The following GRID1 variants were observed in gnomAD, a reference collection of about 807,000 sequenced individuals.
GRID1 encodes the protein glutamate receptor ionotropic, delta-1.
A neutral mutation model predicts 98.0 loss-of-function variants in GRID1; 28 were observed. The ratio of observed to expected loss-of-function variants is 0.29; its 90% confidence interval spans 0.21 to 0.39. The LOEUF is 0.39. Among genes scored for constraint, GRID1 ranks in the 10% least tolerant of loss-of-function variants. The pLI, the probability that GRID1 is intolerant of heterozygous loss-of-function variation, is 1.00. For synonymous variants in GRID1, 553 were observed against 538.5 expected (o/e 1.03, Z -0.37); for missense variants, 1,111 against 1,340.5 (o/e 0.83, Z 2.67).
intron 5 of GRID1, among the ~76,000 whole-genome samples, chr10:85,892,343 T>C (rs1841214733): frequency 2.0e-5 from 3 of 151,632 alleles, no homozygotes; most frequent in Non-Finnish European, 4.4e-5. Context: ...AAAAAAGTAC[T>C]TGAGAAAATA....
chr10:86,040,221 G>A (rs904017013), intron 4 of GRID1, among the ~76,000 whole-genome samples: 7 of 152,098 alleles, frequency 4.6e-5, no homozygotes, highest in Non-Finnish European at 8.8e-5. Flanking sequence ...TCTACTGTAT[G>A]ACCCAGCAAT....
intron 2 of GRID1, among the ~76,000 whole-genome samples, chr10:86,243,743 G>A (rs1400541694): frequency 2.6e-5 from 4 of 152,132 alleles, no homozygotes; most frequent in Admixed American, 6.5e-5. Context: ...AAATGCCAGC[G>A]CCACCCATTA....
chr10:85,704,019 G>A (rs566744496), intron 12 of GRID1, among the ~76,000 whole-genome samples: 1 of 152,160 alleles, frequency 6.6e-6, no homozygotes, highest in South Asian at 2.1e-4. Flanking sequence ...GAAATTCTGG[G>A]TTGAAAATTA....
In GRID1 at chr10:85,723,151, G is replaced by A; in HGVS notation, c.1859-10C>T. On this transcript the variant is annotated splice_polypyrimidine_tract_variant and intron_variant, in intron 11 of 15. Transcript: ENST00000327946. ...ACGGAAGATTCGCCACCTGCGGGAG[G>A]CAGACAAAGTGGATTGGCCAGTGGC... 1.2e-6 allele frequency: 2 copies of A among 1,602,138 alleles called. No individual in the cohort carries two copies. Among genetic ancestry groups the A allele is most frequent in the Non-Finnish European group, 1.7e-6 (2 of 1,173,810 alleles).
At chr10:85,708,696 C>T (rs1841550875) in intron 12 of GRID1, 1 of 152,148 alleles carries the variant, frequency 6.6e-6, no homozygotes, top group Non-Finnish European at 1.5e-5. Context: ...CAAGCATGTG[C>T]CCAATTCAGT....
Position 86,366,277 on chromosome 10 carries a change from C to A in GRID1, c.79+37G>T, listed in dbSNP as rs1315511423. 6.9e-7 allele frequency: 1 copy of A among 1,439,018 alleles called. No individual in the cohort carries two copies. Among genetic ancestry groups the A allele is most frequent in the Non-Finnish European group, 9.3e-7 (1 of 1,078,638 alleles). 89.1% of individuals were successfully genotyped at this position (1,439,018 alleles called of 1,614,324 possible). ...GCGCACCCCCTGCCCCGTTGGGGCC[C>A]CCGCCCAGCCTCGGCCCGGCCTCCA... On this transcript the variant is annotated intron_variant, in intron 1 of 15. Coordinates refer to ENST00000327946, the MANE Select transcript of GRID1 (RefSeq NM_017551.3). The surrounding 1 kb of genome is among the most constrained non-coding windows in gnomAD (Gnocchi z 4.1).
At chr10:86,056,974 A>G (rs1167603317) in intron 4 of GRID1, among the ~76,000 whole-genome samples, 2 of 152,236 alleles carry the variant, frequency 1.3e-5, no homozygotes, top group African/African-American at 4.8e-5. Context: ...GCCTGGCTTT[A>G]GACTGTGGTA....
chr10:85,654,032 G>A (rs1222725995), intron 12 of GRID1, among the ~76,000 whole-genome samples: 5 of 152,342 alleles, frequency 3.3e-5, no homozygotes, highest in African/African-American at 1.2e-4. Context: ...GTAGTGAGCA[G>A]AGGGACTGCA....
At chr10:85,851,670 A>C (rs913965352) in intron 8 of GRID1, among the ~76,000 whole-genome samples, 1 of 152,178 alleles carries the variant, frequency 6.6e-6, no homozygotes, top group Non-Finnish European at 1.5e-5. Flanking sequence ...GGTTTTGTTC[A>C]TATATGACAT....
At chr10:86,159,972 T>A (rs1222535394) in intron 3 of GRID1, among the ~76,000 whole-genome samples, 1 of 152,046 alleles carries the variant, frequency 6.6e-6, no homozygotes, top group Admixed American at 6.6e-5. Flanking sequence ...ACCTTCATCA[T>A]CACCACCATC....
intron 12 of GRID1, among the ~76,000 whole-genome samples, chr10:85,673,461 CA>C (rs949946476): frequency 1.2e-4 from 19 of 152,234 alleles, no homozygotes; most frequent in African/African-American, 4.6e-4. Context: ...AAAGAAGAGT[CA>C]ATTGATGTGG....
intron 4 of GRID1, among the ~76,000 whole-genome samples, chr10:86,074,369 C>T (rs1000843119): frequency 3.2e-4 from 48 of 152,258 alleles, no homozygotes; most frequent in African/African-American, 1.1e-3. Flanking sequence ...TACCCGCTAC[C>T]GCCACGTGTT....
chr10:86,175,487 G>A (rs576801627), intron 3 of GRID1, among the ~76,000 whole-genome samples: 2 of 151,862 alleles, frequency 1.3e-5, no homozygotes, highest in East Asian at 3.9e-4. Context: ...ATATGACCTA[G>A]CCAGCTGGCT....
At chr10:86,166,487 T>C (rs1379417626) in intron 3 of GRID1, among the ~76,000 whole-genome samples, 1 of 152,208 alleles carries the variant, frequency 6.6e-6, no homozygotes, top group African/African-American at 2.4e-5. Context: ...GCTTTACCTG[T>C]GTTTTGCAGA....
intron 8 of GRID1, among the ~76,000 whole-genome samples, chr10:85,791,905 T>G (rs893786441): frequency 1.3e-5 from 2 of 151,790 alleles, no homozygotes. Flanking sequence ...GCAGGGGGCA[T>G]AGGGAGAGGG....
chr10:85,884,521 G>T (rs965948083), intron 5 of GRID1, among the ~76,000 whole-genome samples: 1 of 152,152 alleles, frequency 6.6e-6, no homozygotes, highest in Non-Finnish European at 1.5e-5. Context: ...AATCTGAATT[G>T]TATTCTTGAA....
chr10:86,204,657 A>G (rs1013167497), intron 3 of GRID1, among the ~76,000 whole-genome samples: 3 of 152,188 alleles, frequency 2.0e-5, no homozygotes, highest in African/African-American at 4.8e-5. Context: ...TAGAGAGCTG[A>G]TCACCTGCCC....
chr10:85,871,989 G>A (rs1296991127), intron 5 of GRID1, among the ~76,000 whole-genome samples: 1 of 152,132 alleles, frequency 6.6e-6, no homozygotes, highest in African/African-American at 2.4e-5. Context: ...ACAGTCAAAG[G>A]TGGGGAAATT....
intron 5 of GRID1, among the ~76,000 whole-genome samples, chr10:85,908,352 A>G (rs191688109): frequency 6.6e-6 from 1 of 152,324 alleles, no homozygotes; most frequent in East Asian, 1.9e-4. Context: ...TCTAGGATAC[A>G]AGATCAATAT....
Sources: allele counts gnomAD v4.1 joint callset (sites outside exome capture counted in the v4.1 genomes callset), GRCh38; gene constraint gnomAD v4.1.1; non-coding constraint Gnocchi (gnomAD v3.1); transcripts MANE v1.5; gene names NCBI Gene and HGNC (gene_info 2026-07-23, HGNC 2026-07-21).